The following CRB1 variants were observed in gnomAD, a reference collection of about 807,000 sequenced individuals.
CRB1 encodes the protein crumbs cell polarity complex component 1.
A neutral mutation model predicts 120.0 loss-of-function variants in CRB1; 83 were observed. The ratio of observed to expected loss-of-function variants is 0.69; its 90% confidence interval spans 0.58 to 0.83. CRB1 has a LOEUF of 0.83. Among genes scored for constraint, CRB1 ranks in the 40% least tolerant of loss-of-function variants. CRB1 has a pLI of 0.00. For missense variants in CRB1, 1,699 were observed against 1,687.6 expected (o/e 1.01, Z -0.12); for synonymous variants, 625 against 612.5 (o/e 1.02, Z -0.30).
At chr1:197,242,695 G>T in the CRB1 span, among the ~76,000 whole-genome samples, 15 of 152,194 alleles carry the variant, frequency 9.9e-5, no homozygotes, top group Non-Finnish European at 4.4e-5. Context: ...CATAAAATGA[G>T]TTAGGGAGGA....
At chr1:197,445,332 G>A (rs1665651794) in intron 11 of CRB1, among the ~76,000 whole-genome samples, 2 of 152,218 alleles carry the variant, frequency 1.3e-5, no homozygotes, top group South Asian at 4.2e-4. Flanking sequence ...GTGTGCGTAC[G>A]TGGCAAGTGG....
intron 5 of CRB1, among the ~76,000 whole-genome samples, chr1:197,402,186 T>G (rs1663099774): frequency 6.6e-6 from 1 of 152,184 alleles, no homozygotes. Flanking sequence ...TAGTTATTTT[T>G]TTCTGCTCCT....
chr1:197,282,343 G>A lies in CRB1; in HGVS notation c.70+13861G>A, dbSNP rs140860591. Among the ~76,000 whole-genome samples the A allele has an allele frequency of 5.2e-3, 797 of 151,854 alleles. 7 individuals carry two copies. Among genetic ancestry groups the A allele is most frequent in the African/African-American group, 0.018 (765 of 41,484 alleles). On this transcript the variant is annotated intron_variant, in intron 1 of 11. Coordinates refer to ENST00000367400, the MANE Select transcript of CRB1 (RefSeq NM_201253.3). ...AGAGAGAACACAAAAAATCTAGAGC[G>A]AAGTTCTATAAAATAATTTTACACT...
the CRB1 span, among the ~76,000 whole-genome samples, chr1:197,203,087 C>T: frequency 7.2e-5 from 11 of 151,888 alleles, no homozygotes; most frequent in East Asian, 1.9e-3. Flanking sequence ...TGTAATTCTT[C>T]GTATTAACAG....
At chr1:197,318,063 A>T (rs1305154780) in intron 1 of CRB1, among the ~76,000 whole-genome samples, 1 of 152,202 alleles carries the variant, frequency 6.6e-6, no homozygotes, top group Admixed American at 6.5e-5. Flanking sequence ...CAAAGAGGCA[A>T]CCTATAGAAT....
Position 197,420,938 on chromosome 1 carries a change from C to T in CRB1, c.1172-62C>T, listed in dbSNP as rs371942379. The T allele has an allele frequency of 3.0e-5, 33 of 1,083,034 alleles. 1 individual carries two copies. In the East Asian group the frequency reaches 3.8e-4, roughly 12 times the overall value. The allele number at this position is 1,083,034 out of a possible 1,614,324, so 67.1% of individuals were successfully genotyped here. A position where few individuals can be genotyped will look rare whatever the true frequency, so the allele number is the denominator to read the frequency against. On this transcript the variant is annotated intron_variant, in intron 5 of 11. Coordinates refer to ENST00000367400, the MANE Select transcript of CRB1 (RefSeq NM_201253.3). Reference sequence around the variant, plus strand: ...TCTGCAAGATTATACAAGTAAATTACGTGAAACTTCTATTTTTGATGTGAA... The same window carrying T: ...TCTGCAAGATTATACAAGTAAATTATGTGAAACTTCTATTTTTGATGTGAA...
chr1:197,261,396 A>G, the CRB1 span, among the ~76,000 whole-genome samples: 1 of 152,276 alleles, frequency 6.6e-6, no homozygotes, highest in Non-Finnish European at 1.5e-5. Flanking sequence ...TAGTACATGC[A>G]TACTATGAAA....
intron 4 of CRB1, among the ~76,000 whole-genome samples, chr1:197,349,973 G>A (rs1659998096): frequency 1.3e-5 from 2 of 151,776 alleles, no homozygotes; most frequent in South Asian, 2.1e-4. Flanking sequence ...GGTGGCGGGC[G>A]CCTGTAGTCC....
chr1:197,321,417 A>G (rs1049905979), intron 1 of CRB1, among the ~76,000 whole-genome samples: 2 of 152,188 alleles, frequency 1.3e-5, no homozygotes, highest in African/African-American at 4.8e-5. Flanking sequence ...GTTTTCCCCA[A>G]ATTTGGTCCA....
intron 3 of CRB1, among the ~76,000 whole-genome samples, chr1:197,346,468 T>C (rs1659782098): frequency 6.6e-6 from 1 of 152,150 alleles, no homozygotes; most frequent in African/African-American, 2.4e-5. Context: ...GAATACTGAA[T>C]AGATTTCTAA....
At chr1:197,363,174 T>C (rs1051548337) in intron 5 of CRB1, among the ~76,000 whole-genome samples, 1 of 151,974 alleles carries the variant, frequency 6.6e-6, no homozygotes, top group African/African-American at 2.4e-5. Flanking sequence ...AATATCCTTG[T>C]TTTGAGGATC....
intron 1 of CRB1, among the ~76,000 whole-genome samples, chr1:197,273,890 T>C (rs1009119611): frequency 6.6e-6 from 1 of 152,102 alleles, no homozygotes; most frequent in Non-Finnish European, 1.5e-5. Flanking sequence ...CTCTGTTTCC[T>C]TTTATTAGAG....
At chr1:197,246,401 G>A in the CRB1 span, among the ~76,000 whole-genome samples, 1 of 151,790 alleles carries the variant, frequency 6.6e-6, no homozygotes, top group African/African-American at 2.4e-5. Context: ...GGCATTTCTG[G>A]GTTGCTGGCT....
rs1251375488 is a variant in CRB1, at chr1:197,442,153, G to A, written c.3879-13G>A. On this transcript the variant is annotated splice_polypyrimidine_tract_variant and intron_variant, in intron 10 of 11. Transcript: ENST00000367400. ...CAGGGACCTGGGTTTCTGCTGTTCT[G>A]TTTATTTTGAAGGTGTGAAAAGGAC... is the stretch of plus-strand genomic sequence containing the variant. 1.2e-6 allele frequency: 2 copies of A among 1,613,932 alleles called. No homozygotes were observed. The highest frequency in any genetic ancestry group is 1.7e-6 in the Non-Finnish European group (2 of 1,180,016).
the CRB1 span, among the ~76,000 whole-genome samples, chr1:197,205,489 G>A: frequency 1.3e-5 from 2 of 152,142 alleles, no homozygotes; most frequent in Non-Finnish European, 2.9e-5. Flanking sequence ...TGCATTTTCT[G>A]TGTCTATTAA....
At chr1:197,240,939 C>A in the CRB1 span, among the ~76,000 whole-genome samples, 1 of 152,196 alleles carries the variant, frequency 6.6e-6, no homozygotes, top group African/African-American at 2.4e-5. Flanking sequence ...ATTTGCATTT[C>A]TCTAATGACC....
intron 1 of CRB1, among the ~76,000 whole-genome samples, chr1:197,311,414 G>T (rs758771928): frequency 1.2e-4 from 18 of 152,166 alleles, no homozygotes; most frequent in Non-Finnish European, 1.6e-4. Context: ...GTTGATCGAG[G>T]AAACAAACGT....
intron 1 of CRB1, among the ~76,000 whole-genome samples, chr1:197,298,116 G>A (rs1241879670): frequency 1.3e-5 from 2 of 152,218 alleles, no homozygotes; most frequent in South Asian, 4.1e-4. Flanking sequence ...TATGTACTTT[G>A]CTTCTTTTCT....
chr1:197,309,119 T>C (rs1471298257), intron 1 of CRB1, among the ~76,000 whole-genome samples: 1 of 151,962 alleles, frequency 6.6e-6, no homozygotes, highest in Non-Finnish European at 1.5e-5. Context: ...CATATATTTA[T>C]ATATTTATAC....
Sources: gnomAD v4.1 joint callset for allele counts (sites outside exome capture counted in the v4.1 genomes callset) on GRCh38, gnomAD v4.1.1 for gene constraint, MANE v1.5 for transcripts, NCBI Gene and HGNC (gene_info 2026-07-23, HGNC 2026-07-21) for gene names.